The following PUS7 variants were observed in gnomAD, a reference collection of about 807,000 sequenced individuals.
PUS7 encodes the protein pseudouridylate synthase 7 homolog.
PUS7 carries 48 observed loss-of-function variants against 79.8 expected under a neutral mutation model. The ratio of observed to expected loss-of-function variants is 0.60; its 90% CI spans 0.48 to 0.76. PUS7 has a LOEUF of 0.76. Ranked by LOEUF, PUS7 falls within the 30% of genes least tolerant of loss-of-function variation. The pLI is 0.00. For missense variants in PUS7, 729 were observed against 797.6 expected, an observed-to-expected ratio of 0.91 and a Z score of 1.04; for synonymous variants, 286 against 272.2, an observed-to-expected ratio of 1.05 and a Z score of -0.50.
chr7:105,479,413 A>G (rs1425167632), intron 9 of PUS7, among the ~76,000 whole-genome samples: 2 of 152,240 alleles, frequency 1.3e-5, no homozygotes, highest in Non-Finnish European at 2.9e-5. Flanking sequence ...CAGACCTCTC[A>G]AAGCCTAAGT....
rs1327968559 is a variant in PUS7, at chr7:105,482,348, C to G, written c.1013G>C (p.Gly338Ala). ...FSYQKNPLKL[G>A]ELQGNHFTVV... ...AGTGAAGTGGTTTCCTTGAAGCTCT[C>G]CCAATTTCAGTGGGTTTTTTTGATA... Residue 338 changes from glycine to alanine, a missense_variant, in exon 8 of 16, where the codon GGA becomes GCA. Gly to Ala is a moderately conservative substitution (Grantham distance 60). Transcript: ENST00000469408. 2 of 1,613,538 alleles carry G rather than the reference C, an allele frequency of 1.2e-6. No individual in the cohort carries two copies. Among genetic ancestry groups the G allele is most frequent in the African/African-American group, 1.3e-5 (1 of 74,850 alleles).
intron 7 of PUS7, among the ~76,000 whole-genome samples, chr7:105,483,134 T>C (rs925678380): frequency 2.0e-5 from 3 of 152,130 alleles, no homozygotes; most frequent in Middle Eastern, 3.4e-3. Context: ...CCCCTTTTTA[T>C]CTCTAGTGTC....
chr7:105,490,815 G>T (rs545123434), intron 7 of PUS7, among the ~76,000 whole-genome samples: 2 of 152,132 alleles, frequency 1.3e-5, no homozygotes, highest in Admixed American at 1.3e-4. Context: ...GTTCCCAATC[G>T]GGGGCAATTC....
chr7:105,501,052 C>T (rs960202950), intron 5 of PUS7, among the ~76,000 whole-genome samples: 1 of 152,226 alleles, frequency 6.6e-6, no homozygotes, highest in African/African-American at 2.4e-5. Flanking sequence ...ATCTCTATAG[C>T]ACTATCCAGA....
At chr7:105,516,330 A>C (rs999044219) in intron 1 of PUS7, among the ~76,000 whole-genome samples, 1 of 152,220 alleles carries the variant, frequency 6.6e-6, no homozygotes, top group South Asian at 2.1e-4. Context: ...TATAGGCCTA[A>C]AAGCGGAGAG....
At chr7:105,490,152 A>G (rs1449378513) in intron 7 of PUS7, among the ~76,000 whole-genome samples, 2 of 151,928 alleles carry the variant, frequency 1.3e-5, no homozygotes, top group Admixed American at 6.6e-5. Context: ...AAATAAATAC[A>G]TGTATTTAAG....
intron 12 of PUS7, 142 bp downstream of exon 12, chr7:105,468,195 A>C: frequency 8.9e-7 from 1 of 1,124,448 alleles, no homozygotes; most frequent in Non-Finnish European, 1.2e-6. Flanking sequence ...GGCCACCCAA[A>C]GTGTCAGGAT....
chr7:105,463,016 G>A (rs910405818), intron 13 of PUS7, among the ~76,000 whole-genome samples: 5 of 152,144 alleles, frequency 3.3e-5, no homozygotes, highest in Non-Finnish European at 7.3e-5. Flanking sequence ...AGGTTCCCAA[G>A]CCAACTACAA....
chr7:105,502,989 CGTGCCCAGTCTCAAA>C (rs1825316104), intron 4 of PUS7, among the ~76,000 whole-genome samples: 1 of 152,086 alleles, frequency 6.6e-6, no homozygotes, highest in Non-Finnish European at 1.5e-5. Context: ...CGTGAGCCAC[CGTGCCCAGTCTCAAA>C]AATATTTCAG....
At chr7:105,470,547 T>G (rs967560764) in intron 11 of PUS7, 141 bp downstream of exon 11, 42 of 957,316 alleles carry the variant, frequency 4.4e-5, no homozygotes, top group Non-Finnish European at 5.9e-5. Context: ...CAAAGACTAC[T>G]CAGGTGAAAC....
chr7:105,496,931 C>T (rs1825059178), intron 5 of PUS7: 12 of 1,193,268 alleles, frequency 1.0e-5, no homozygotes, highest in Non-Finnish European at 1.3e-5. Context: ...ACTTTATCTA[C>T]ATGAAATGCC....
chr7:105,512,652 CTG>C (rs759443298), intron 1 of PUS7, among the ~76,000 whole-genome samples: 8 of 152,154 alleles, frequency 5.3e-5, no homozygotes, highest in Non-Finnish European at 1.2e-4. Flanking sequence ...CAAGGAGAGT[CTG>C]GGGTTACAGC....
Position 105,491,528 on chromosome 7 carries a change from C to T in PUS7, c.920+12G>A. ...TTTACAGTATAAATCCTGTTACGTG[C>T]TCTCTACTTACTTGAGAACAGCAAT... On this transcript the variant is annotated intron_variant, in intron 7 of 15. Transcript: ENST00000469408. 6.5e-7 allele frequency: 1 copy of T among 1,529,306 alleles called. No homozygotes were observed. Among genetic ancestry groups the T allele is most frequent in the Non-Finnish European group, 9.0e-7 (1 of 1,109,226 alleles). 94.7% of individuals were successfully genotyped at this position (1,529,306 alleles called of 1,614,324 possible).
At chr7:105,518,303 C>A (rs957638950) in intron 1 of PUS7, among the ~76,000 whole-genome samples, 1 of 151,714 alleles carries the variant, frequency 6.6e-6, no homozygotes, top group Non-Finnish European at 1.5e-5. Context: ...ACAGAAAGAC[C>A]CTGTCTCAAA....
At chr7:105,509,354 T>A (rs1249396464) in intron 1 of PUS7, among the ~76,000 whole-genome samples, 1 of 152,120 alleles carries the variant, frequency 6.6e-6, no homozygotes, top group Non-Finnish European at 1.5e-5. Context: ...CCGCACATCA[T>A]CACAAGCCTT....
intron 6 of PUS7, among the ~76,000 whole-genome samples, chr7:105,494,744 G>C (rs1212667366): frequency 6.6e-6 from 1 of 151,982 alleles, no homozygotes; most frequent in Admixed American, 6.6e-5. Flanking sequence ...TTGGGAGGCT[G>C]AAGTGTGAGG....
At chr7:105,521,099 G>T (rs1458664522) in intron 1 of PUS7, among the ~76,000 whole-genome samples, 1 of 143,200 alleles carries the variant, frequency 7.0e-6, no homozygotes, top group African/African-American at 2.5e-5. Flanking sequence ...CCTAATGTTT[G>T]AACCTAACAA....
intron 7 of PUS7, 45 bp from the exon 8 acceptor site, chr7:105,482,485 A>G (rs762088162): frequency 6.5e-7 from 1 of 1,542,884 alleles, no homozygotes; most frequent in Non-Finnish European, 8.8e-7. Context: ...AAGAGTAGAA[A>G]GAGGATCATG....
intron 9 of PUS7, among the ~76,000 whole-genome samples, chr7:105,472,702 T>C (rs539793313): frequency 9.2e-5 from 14 of 152,290 alleles, no homozygotes; most frequent in Non-Finnish European, 1.8e-4. Context: ...AATGTGATAA[T>C]AGTATAAATA....
Sources: gnomAD v4.1 joint callset for allele counts (sites outside exome capture counted in the v4.1 genomes callset) on GRCh38, gnomAD v4.1.1 for gene constraint, MANE v1.5 for transcripts, NCBI Gene and HGNC (gene_info 2026-07-23, HGNC 2026-07-21) for gene names.